The following NPEPPS variants were observed in gnomAD, a reference collection of about 807,000 sequenced individuals.
NPEPPS encodes the protein puromycin-sensitive aminopeptidase.
NPEPPS carries 14 observed loss-of-function variants against 115.5 expected under a neutral mutation model. That is an observed-to-expected ratio of 0.12 (90% CI 0.08 to 0.19). NPEPPS has a LOEUF of 0.19. Among genes scored for constraint, NPEPPS ranks in the 10% least tolerant of loss-of-function variants. The pLI, the probability that NPEPPS is intolerant of heterozygous loss-of-function variation, is 1.00. For synonymous variants in NPEPPS, 285 were observed against 390.6 expected (o/e 0.73, Z 3.19); for missense variants, 523 against 1,110.8 (o/e 0.47, Z 7.52).
At position 47,621,730 on chromosome 17, in the gene NPEPPS, C is replaced by G. The variant is rs763075166; in HGVS notation, c.2608-38C>G. The G allele has an allele frequency of 1.2e-5, 19 of 1,562,532 alleles. No individual in the cohort carries two copies. The South Asian group carries it at 2.2e-4, about 18-fold the overall frequency. On this transcript the variant is annotated intron_variant, in intron 22 of 22. Coordinates refer to ENST00000322157, the MANE Select transcript of NPEPPS (RefSeq NM_006310.4). The stretch of plus-strand genomic sequence containing the variant: ...AACCTGTAATATTAACTTCTTATTG[C>G]TAGTAATGATCCTGCATTCTGGGTT...
rs1910086267 is a variant in NPEPPS, at chr17:47,556,967, A to G, written c.340+10974A>G. 2.0e-5 allele frequency among the ~76,000 whole-genome samples: 3 copies of G among 152,190 alleles called. No homozygotes were observed. The South Asian group carries it at 6.2e-4, about 32-fold the overall frequency. On this transcript the variant is annotated intron_variant, in intron 2 of 22. Transcript: ENST00000322157. Reference sequence around the variant, plus strand: ...TGTTTTACTTTTTTCTTGATCCCAGATCTTTTTCAGTTTTCTTGCTTTTTT... The same window carrying G: ...TGTTTTACTTTTTTCTTGATCCCAGGTCTTTTTCAGTTTTCTTGCTTTTTT...
intron 2 of NPEPPS, among the ~76,000 whole-genome samples, chr17:47,568,006 G>C (rs560418271): frequency 4.0e-5 from 6 of 151,834 alleles, no homozygotes; most frequent in Non-Finnish European, 7.4e-5. Flanking sequence ...CATTTCTCTT[G>C]GATATATACT....
At chr17:47,619,364 G>A in intron 21 of NPEPPS, 200 bp downstream of exon 21, 1 of 591,872 alleles carries the variant, frequency 1.7e-6, no homozygotes, top group Middle Eastern at 4.6e-4. Flanking sequence ...GACTATCCTG[G>A]CCAACATGGT....
chr17:47,538,463 C>G (rs1457612590), intron 1 of NPEPPS, among the ~76,000 whole-genome samples: 1 of 151,136 alleles, frequency 6.6e-6, no homozygotes, highest in Non-Finnish European at 1.5e-5. Context: ...ATCCGCCTGC[C>G]TCTGCCTCCT....
chr17:47,597,250 G>T (rs970543347), intron 13 of NPEPPS, among the ~76,000 whole-genome samples: 7 of 152,144 alleles, frequency 4.6e-5, no homozygotes, highest in Non-Finnish European at 5.9e-5. Context: ...TTCATTAATT[G>T]AACTGTTACC....
chr17:47,612,932 G>A (rs2143961839), intron 18 of NPEPPS, among the ~76,000 whole-genome samples: 1 of 152,210 alleles, frequency 6.6e-6, no homozygotes, highest in African/African-American at 2.4e-5. Flanking sequence ...CAAAGCGCTG[G>A]GATTACAGGT....
chr17:47,586,765 T>C (rs1324521959), intron 8 of NPEPPS: 11 of 463,546 alleles, frequency 2.4e-5, no homozygotes, highest in Non-Finnish European at 3.8e-5. Flanking sequence ...GTGAGTTGAA[T>C]AACTTTTAAA....
chr17:47,529,628 C>T (rs1907582059), upstream of NPEPPS, among the ~76,000 whole-genome samples: 1 of 137,504 alleles, frequency 7.3e-6, no homozygotes, highest in Non-Finnish European at 1.6e-5. Flanking sequence ...TGGTCTCGAA[C>T]TCCTGACCTC....
intron 1 of NPEPPS, among the ~76,000 whole-genome samples, chr17:47,533,820 C>T (rs1567832355): frequency 6.6e-6 from 1 of 151,952 alleles, no homozygotes; most frequent in Non-Finnish European, 1.5e-5. Context: ...TTTTAAGTAG[C>T]ATGAACTTTT....
Position 47,604,041 on chromosome 17 carries a change from T to G in NPEPPS, c.1867T>G (p.Phe623Val), listed in dbSNP as rs1259047540. 6.2e-7 allele frequency: 1 copy of G among 1,609,546 alleles called. No homozygotes were observed. Among genetic ancestry groups the G allele is most frequent in the East Asian group, 2.2e-5 (1 of 44,804 alleles). ...VDRLGLQNDL[F>V]SLARAGIIST... ...TCGACTTGGATTACAGAATGACCTC[T>G]TCTCCTTGGTGAGCATCTGTGACTT... is the stretch of plus-strand genomic sequence containing the variant. The change falls in exon 16 of 23, where the codon TTC becomes GTC. Residue 623 changes from phenylalanine (F) to valine (V), a missense_variant. Around this residue, in one of 4 missense-constraint regions of NPEPPS, gnomAD observed 372 missense variants for 542.6 expected, o/e 0.69. Transcript: ENST00000322157.
chr17:47,565,009 T>C (rs1390928335), intron 2 of NPEPPS, among the ~76,000 whole-genome samples: 1 of 152,230 alleles, frequency 6.6e-6, no homozygotes, highest in Admixed American at 6.5e-5. Context: ...TCATTCATTC[T>C]ACAGATACTT....
chr17:47,556,805 G>A (rs374715445), intron 2 of NPEPPS, among the ~76,000 whole-genome samples: 6 of 152,122 alleles, frequency 3.9e-5, no homozygotes, highest in Non-Finnish European at 7.4e-5. Context: ...CACCACGCCC[G>A]GCTAATTTTT....
At chr17:47,616,259 G>T (rs1288072744) in intron 19 of NPEPPS, among the ~76,000 whole-genome samples, 1 of 152,174 alleles carries the variant, frequency 6.6e-6, no homozygotes, top group Non-Finnish European at 1.5e-5. Context: ...CTGCACTGCT[G>T]CTTAGAGTCC....
intron 2 of NPEPPS, among the ~76,000 whole-genome samples, chr17:47,558,902 C>T (rs199546313): frequency 3.3e-5 from 5 of 152,224 alleles, no homozygotes; most frequent in Admixed American, 2.0e-4. Flanking sequence ...GGCATGGTGG[C>T]GCATGCCTGT....
chr17:47,537,933 G>A (rs900042444), intron 1 of NPEPPS, among the ~76,000 whole-genome samples: 1 of 133,548 alleles, frequency 7.5e-6, no homozygotes, highest in Non-Finnish European at 1.6e-5. Flanking sequence ...TCGCTCTGTT[G>A]CCCAGGCTGG....
At chr17:47,599,512 G>A (rs1486621149) in intron 13 of NPEPPS, among the ~76,000 whole-genome samples, 164 bp from the exon 14 acceptor site, 6 of 152,090 alleles carry the variant, frequency 3.9e-5, no homozygotes, top group Admixed American at 3.9e-4. Context: ...TTTCTCTTTA[G>A]TATTACCGTC....
intron 5 of NPEPPS, among the ~76,000 whole-genome samples, chr17:47,584,121 T>C (rs1383431084): frequency 2.0e-5 from 3 of 150,290 alleles, no homozygotes; most frequent in Non-Finnish European, 4.4e-5. Flanking sequence ...CTTGGGAGGC[T>C]GAGGCAGGAG....
At position 47,596,300 on chromosome 17, in the gene NPEPPS, G is replaced by C; in HGVS notation, c.1427-53G>C. 4.2e-6 allele frequency: 5 copies of C among 1,191,682 alleles called. No individual in the cohort carries two copies. In the South Asian group the frequency reaches 8.0e-5, roughly 19 times the overall value. The allele number at this position is 1,191,682 out of a possible 1,614,324, so 73.8% of individuals were successfully genotyped here. On this transcript the variant is annotated intron_variant, in intron 12 of 22. Coordinates refer to ENST00000322157, the MANE Select transcript of NPEPPS (RefSeq NM_006310.4). ...AAAAGTTAAATAAAATTTCTTTTTT[G>C]TTTAGGAAAATAAAAATATAAACAT...
chr17:47,602,300 T>C (rs923889707), intron 15 of NPEPPS, among the ~76,000 whole-genome samples: 5 of 152,182 alleles, frequency 3.3e-5, no homozygotes, highest in Non-Finnish European at 4.4e-5. Flanking sequence ...ATAGGAATTA[T>C]ACATTGTATC....
Sources: allele counts gnomAD v4.1 joint callset (sites outside exome capture counted in the v4.1 genomes callset), GRCh38; gene constraint gnomAD v4.1.1; regional missense constraint gnomAD v4.1.1; transcripts MANE v1.5; gene names NCBI Gene and HGNC (gene_info 2026-07-23, HGNC 2026-07-21).